The following CSGALNACT1 variants were observed in gnomAD, a reference collection of about 807,000 sequenced individuals.
CSGALNACT1 encodes the protein chondroitin sulfate N-acetylgalactosaminyltransferase 1, also known as beta4GalNAcT-1.
A neutral mutation model predicts 51.0 loss-of-function variants in CSGALNACT1; 52 were observed. The ratio of observed to expected loss-of-function variants is 1.02; its 90% CI spans 0.82 to 1.29. The LOEUF is 1.29. Among genes scored for constraint, CSGALNACT1 ranks in the 50% most tolerant of loss-of-function variants. CSGALNACT1 has a pLI of 0.00. For missense variants in CSGALNACT1, 935 were observed against 679.2 expected (o/e 1.38, Z -4.19); for synonymous variants, 341 against 254.4 (o/e 1.34, Z -3.24).
At chr8:19,458,682 A>G in intron 4 of CSGALNACT1, 40 bp from the exon 4 acceptor site, 1 of 1,591,348 alleles carries the variant, frequency 6.3e-7, no homozygotes. Flanking sequence ...TCTAAAAATT[A>G]ACCTTGGCTG....
intron 1 of CSGALNACT1, among the ~76,000 whole-genome samples, chr8:19,615,646 G>T (rs1475896320): frequency 6.6e-6 from 1 of 152,162 alleles, no homozygotes; most frequent in African/African-American, 2.4e-5. Context: ...TGATGAACAT[G>T]AATAGGTTAA....
chr8:19,461,864 G>A (rs2065603314), intron 4 of CSGALNACT1, among the ~76,000 whole-genome samples: 1 of 147,424 alleles, frequency 6.8e-6, no homozygotes, highest in African/African-American at 2.5e-5. Context: ...CATTCACCAT[G>A]GAGGGCGTAT....
At chr8:19,498,369 A>T (rs1428710558) in intron 4 of CSGALNACT1, among the ~76,000 whole-genome samples, 4 of 152,226 alleles carry the variant, frequency 2.6e-5, no homozygotes, top group East Asian at 1.9e-4. Context: ...TGATTAAAAA[A>T]CTTCCATCCT....
At chr8:19,747,759 A>T (rs770833806) in intron 1 of CSGALNACT1, among the ~76,000 whole-genome samples, 2 of 152,118 alleles carry the variant, frequency 1.3e-5, no homozygotes, top group Non-Finnish European at 2.9e-5. Context: ...CTCTGTCTCC[A>T]CCAAGCTAGT....
intron 3 of CSGALNACT1, among the ~76,000 whole-genome samples, chr8:19,570,697 C>A (rs980909058): frequency 6.6e-6 from 1 of 152,122 alleles, no homozygotes; most frequent in Non-Finnish European, 1.5e-5. Context: ...GGTAGGAGTT[C>A]GAGACCAGCT....
At chr8:19,664,626 TAC>T (rs58327790) in intron 1 of CSGALNACT1, among the ~76,000 whole-genome samples, 1 of 150,186 alleles carries the variant, frequency 6.7e-6, no homozygotes, top group Non-Finnish European at 1.5e-5. Flanking sequence ...TGGATGTATG[TAC>T]ACACACACAA....
At chr8:19,597,970 C>T (rs940554335) in intron 2 of CSGALNACT1, among the ~76,000 whole-genome samples, 4 of 152,220 alleles carry the variant, frequency 2.6e-5, no homozygotes, top group Non-Finnish European at 5.9e-5. Flanking sequence ...CCAGCCCCAT[C>T]CCAGCCTGGG....
intron 1 of CSGALNACT1, among the ~76,000 whole-genome samples, chr8:19,667,572 A>C (rs1025305376): frequency 6.6e-6 from 1 of 152,198 alleles, no homozygotes; most frequent in African/African-American, 2.4e-5. Flanking sequence ...CCCCCTTTGA[A>C]CCAAGGCTGA....
chr8:19,684,792 A>G (rs1243465919), upstream of CSGALNACT1, among the ~76,000 whole-genome samples: 1 of 152,204 alleles, frequency 6.6e-6, no homozygotes, highest in Non-Finnish European at 1.5e-5. Context: ...GCTCAGAAGA[A>G]AAAAAGAACG....
chr8:19,574,300 A>C (rs2043671312), intron 3 of CSGALNACT1, among the ~76,000 whole-genome samples: 1 of 152,208 alleles, frequency 6.6e-6, no homozygotes, highest in Admixed American at 6.5e-5. Flanking sequence ...TCTCTCCTGC[A>C]GGTCCTCCAG....
chr8:19,697,558 G>A (rs1459547584), intron 1 of CSGALNACT1, among the ~76,000 whole-genome samples: 1 of 152,142 alleles, frequency 6.6e-6, no homozygotes, highest in East Asian at 1.9e-4. Context: ...CAAGATAAAT[G>A]GCTGGAAAAA....
At chr8:19,637,879 T>C (rs562886966) in intron 1 of CSGALNACT1, among the ~76,000 whole-genome samples, 4 of 148,062 alleles carry the variant, frequency 2.7e-5, no homozygotes, top group Admixed American at 1.4e-4. Flanking sequence ...AAGAAGTGAG[T>C]GCCCAGCGCT....
intron 1 of CSGALNACT1, among the ~76,000 whole-genome samples, chr8:19,754,731 C>G (rs1176684285): frequency 6.6e-6 from 1 of 152,160 alleles, no homozygotes; most frequent in East Asian, 1.9e-4. Flanking sequence ...GTCGTGAACC[C>G]AGGAAGTTAA....
chr8:19,492,454 T>C (rs969501687), intron 4 of CSGALNACT1, among the ~76,000 whole-genome samples: 1 of 152,218 alleles, frequency 6.6e-6, no homozygotes, highest in Admixed American at 6.5e-5. Flanking sequence ...CAGAAGGCAT[T>C]TTTCTGCATT....
intron 8 of CSGALNACT1, among the ~76,000 whole-genome samples, chr8:19,413,989 T>C (rs1226139254): frequency 5.3e-5 from 8 of 152,176 alleles, no homozygotes; most frequent in Non-Finnish European, 2.9e-5. Flanking sequence ...CAACAAGGGC[T>C]CAGGGCTTGC....
chr8:19,723,650 G>A (rs557907680), intron 1 of CSGALNACT1, among the ~76,000 whole-genome samples: 1 of 152,314 alleles, frequency 6.6e-6, no homozygotes, highest in South Asian at 2.1e-4. Flanking sequence ...CAGAGGTCAT[G>A]GCTAGTTCCT....
chr8:19,688,384 G>T (rs1304134481), intron 1 of CSGALNACT1, among the ~76,000 whole-genome samples: 1 of 152,116 alleles, frequency 6.6e-6, no homozygotes, highest in African/African-American at 2.4e-5. Flanking sequence ...AAAACAAAAT[G>T]GTAGACAAGT....
intron 3 of CSGALNACT1, among the ~76,000 whole-genome samples, chr8:19,586,488 T>A (rs1167250441): frequency 6.6e-6 from 1 of 150,892 alleles, no homozygotes; most frequent in Non-Finnish European, 1.5e-5. Flanking sequence ...ACATATAAGA[T>A]CCCCTGGGAC....
At chr8:19,408,355 C>A (rs149810142) in intron 9 of CSGALNACT1, among the ~76,000 whole-genome samples, 238 of 150,732 alleles carry the variant, frequency 1.6e-3, no homozygotes, top group African/African-American at 5.6e-3. Flanking sequence ...TTAGGAGAAT[C>A]GCTATGTTGT....
Sources: gnomAD v4.1 joint callset for allele counts (sites outside exome capture counted in the v4.1 genomes callset) on GRCh38, gnomAD v4.1.1 for gene constraint, MANE v1.5 for transcripts, NCBI Gene and HGNC (gene_info 2026-07-23, HGNC 2026-07-21) for gene names.